The following LONRF2 variants were observed in gnomAD, a reference collection of about 807,000 sequenced individuals.
The protein encoded by LONRF2 is LON peptidase N-terminal domain and RING finger protein 2.
Under a neutral mutation model 66.6 loss-of-function variants are expected in LONRF2, and 35 were observed. The observed-to-expected ratio is 0.53, with a 90% confidence interval of 0.40 to 0.70. The LOEUF (loss-of-function observed/expected upper bound fraction) is 0.70, where lower values mean the gene tolerates loss of function less well. Ranked by LOEUF, LONRF2 falls within the 30% of genes least tolerant of loss-of-function variation. LONRF2 has a pLI of 0.00. For synonymous variants in LONRF2, 417 were observed against 418.1 expected, an observed-to-expected ratio of 1.00 and a Z score of 0.03; for missense variants, 902 against 1,002.1, an observed-to-expected ratio of 0.90 and a Z score of 1.35.
intron 10 of LONRF2, among the ~76,000 whole-genome samples, chr2:100,289,609 T>A (rs1203611779): frequency 4.0e-5 from 6 of 150,010 alleles, no homozygotes; most frequent in Admixed American, 1.3e-4. Context: ...TTAATTTTTT[T>A]ATATTTTTAA....
At chr2:100,307,976 A>T (rs1675330481) in intron 2 of LONRF2, among the ~76,000 whole-genome samples, 1 of 152,228 alleles carries the variant, frequency 6.6e-6, no homozygotes, top group Non-Finnish European at 1.5e-5. Context: ...GCAACAAAAT[A>T]GATTTCTGAG....
chr2:100,286,320 C>G (rs529681927), intron 11 of LONRF2, among the ~76,000 whole-genome samples: 1 of 152,234 alleles, frequency 6.6e-6, no homozygotes, highest in East Asian at 1.9e-4. Context: ...ACCAGCCCAG[C>G]CTGGCTCTCC....
chr2:100,321,458 C>T lies in LONRF2; in HGVS notation c.636G>A (p.Gln212=). 1 of 1,499,852 alleles carries T rather than the reference C, an allele frequency of 6.7e-7. No homozygotes were observed. 92.9% of individuals were successfully genotyped at this position (1,499,852 alleles called of 1,614,324 possible). The change falls in exon 1 of 12, where the codon CAG becomes CAA. Residue 212 remains glutamine (Q), a synonymous_variant. Transcript: ENST00000393437. ...CGCACCTGAGCAGCGCGGCCTCCGG[C>T]TGCTGCTGGCGCTGCAGGCTCCGCG... ...GQARSLQRQQ[Q]PEAALLRCDQ... is the part of the protein sequence containing the mutation.
At chr2:100,316,701 A>G (rs1675515661) in intron 1 of LONRF2, among the ~76,000 whole-genome samples, 1 of 152,200 alleles carries the variant, frequency 6.6e-6, no homozygotes, top group South Asian at 2.1e-4. Context: ...GACACATATT[A>G]ATTAAATCTA....
chr2:100,288,851 C>T (rs183349521), intron 10 of LONRF2, among the ~76,000 whole-genome samples: 4 of 152,218 alleles, frequency 2.6e-5, no homozygotes, highest in Admixed American at 2.6e-4. Context: ...ATGAATGGAC[C>T]ACAATGTGTT....
intron 1 of LONRF2, among the ~76,000 whole-genome samples, chr2:100,310,401 C>T (rs937359772): frequency 6.6e-6 from 1 of 152,188 alleles, no homozygotes; most frequent in African/African-American, 2.4e-5. Flanking sequence ...ACCTAATGTA[C>T]GTTTTCAGTT....
Position 100,321,998 on chromosome 2 carries a change from C to T in LONRF2, c.96G>A (p.Glu32=). The change falls in exon 1 of 12, where the codon GAG becomes GAA. Residue 32 remains glutamate (E), a synonymous_variant. Transcript: ENST00000393437. ...TCTCGTAGTCGCCCGCGCGGAAGGC[C>T]TCGTCGCCCTCCTCTAAGCGCTGGG... is the stretch of plus-strand genomic sequence containing the variant. ...PIAQRLEEGD[E]AFRAGDYEMA... 3 of 1,457,796 alleles carry T rather than the reference C, an allele frequency of 2.1e-6. No individual in the cohort carries two copies. Among genetic ancestry groups the T allele is most frequent in the Non-Finnish European group, 2.7e-6 (3 of 1,106,244 alleles). The allele number at this position is 1,457,796 out of a possible 1,614,324, so 90.3% of individuals were successfully genotyped here. A position where few individuals can be genotyped will look rare whatever the true frequency, so the allele number is the denominator to read the frequency against.
chr2:100,317,593 G>A (rs1025804966), intron 1 of LONRF2, among the ~76,000 whole-genome samples: 1 of 152,136 alleles, frequency 6.6e-6, no homozygotes, highest in African/African-American at 2.4e-5. Flanking sequence ...ATATGGATAC[G>A]TTTCCTTTAG....
intron 7 of LONRF2, among the ~76,000 whole-genome samples, chr2:100,297,368 C>A (rs4314007): frequency 0.75 from 114,128 of 151,654 alleles, 44,104 homozygotes; most frequent in East Asian, 0.96. Flanking sequence ...CTATCTCCCG[C>A]CCTTGTGACC....
chr2:100,276,829 G>A lies in LONRF2; in HGVS notation c.*7469C>T, dbSNP rs934645418. The A allele has an allele frequency of 5.3e-5, 8 of 152,188 alleles. No individual in the cohort carries two copies. Among genetic ancestry groups the A allele is most frequent in the South Asian group, 2.1e-4 (1 of 4,824 alleles). The allele number at this position is 152,188 out of a possible 1,614,324, so 9.4% of individuals were successfully genotyped here. On this transcript the variant is annotated 3_prime_UTR_variant, in exon 12 of 12. Transcript: ENST00000393437. ...CTACTTGCACAGCTTCTTGGCTGCC[G>A]TTTGCCTTCTGCCCTGAGGGGCACA...
At chr2:100,291,943 C>T (rs1314592847) in intron 9 of LONRF2, among the ~76,000 whole-genome samples, 1 of 152,182 alleles carries the variant, frequency 6.6e-6, no homozygotes, top group Non-Finnish European at 1.5e-5. Context: ...CACGGAGGCT[C>T]AGAGGAATTA....
Position 100,276,514 on chromosome 2 carries a change from GC to G in LONRF2, c.*7783del, listed in dbSNP as rs1674604330. On this transcript the variant is annotated 3_prime_UTR_variant, in exon 12 of 12. Transcript: ENST00000393437. ...TTATAAACTAGCTTGATAAAATGAT[GC>G]CCCATGGACCTCCAGTTAAAACAGT... 2 of 152,016 alleles carry G rather than the reference GC, an allele frequency of 1.3e-5. No individual in the cohort carries two copies. Among genetic ancestry groups the G allele is most frequent in the South Asian group, 4.1e-4 (2 of 4,820 alleles). The allele number at this position is 152,016 out of a possible 1,614,324, so 9.4% of individuals were successfully genotyped here.
chr2:100,284,292 G>GA lies in LONRF2; in HGVS notation c.*5dup. The GA allele has an allele frequency of 6.6e-7, 1 of 1,508,652 alleles. No homozygotes were observed. Among genetic ancestry groups the GA allele is most frequent in the Non-Finnish European group, 8.9e-7 (1 of 1,121,404 alleles). 93.5% of individuals were successfully genotyped at this position (1,508,652 alleles called of 1,614,324 possible). ...GGGCTGCCAGAAACCTTGACAGAGA[G>GA]AAAAATCAATTATTTCTCTCCCTGG... On this transcript the variant is annotated 3_prime_UTR_variant, in exon 12 of 12. Transcript: ENST00000393437.
intron 4 of LONRF2, 104 bp from the exon 5 acceptor site, chr2:100,300,022 G>GGT: frequency 1.7e-6 from 1 of 574,406 alleles, no homozygotes; most frequent in Non-Finnish European, 3.0e-6. Flanking sequence ...AAAAAAAAGG[G>GGT]GGGGGCATAC....
At chr2:100,321,275 A>T (rs1282736167) in intron 1 of LONRF2, 140 bp downstream of exon 1, 1 of 750,138 alleles carries the variant, frequency 1.3e-6, no homozygotes. Context: ...TCACCTTCCC[A>T]TCCTTAGGAA....
Position 100,322,193 on chromosome 2 carries a change from T to A in LONRF2, c.-100A>T. 2.9e-6 allele frequency: 3 copies of A among 1,041,830 alleles called. No individual in the cohort carries two copies. Among genetic ancestry groups the A allele is most frequent in the South Asian group, 4.9e-5 (1 of 20,618 alleles). The allele number at this position is 1,041,830 out of a possible 1,614,324, so 64.5% of individuals were successfully genotyped here. ...GCCGGCGGGAGCGCGGTCTCAGCCCTCGCCAGCAGCCACGCGCGTCTGGGG... is the reference window on the plus strand; with the variant it reads ...GCCGGCGGGAGCGCGGTCTCAGCCCACGCCAGCAGCCACGCGCGTCTGGGG... On this transcript the variant is annotated 5_prime_UTR_variant, in exon 1 of 12. Transcript: ENST00000393437.
rs1158169894 is a variant in LONRF2, at chr2:100,282,967, TA to T, written c.*1330del. On this transcript the variant is annotated 3_prime_UTR_variant, in exon 12 of 12. Coordinates refer to ENST00000393437, the MANE Select transcript of LONRF2 (RefSeq NM_198461.4). ...TTATGAGATATATATATTTTAAAAC[TA>T]AAAAATCACCTTCAATGAACAAAGC... The T allele has an allele frequency of 6.6e-6, 1 of 152,150 alleles. No homozygotes were observed. The allele number at this position is 152,150 out of a possible 1,614,324, so 9.4% of individuals were successfully genotyped here.
chr2:100,295,555 T>C lies in LONRF2; in HGVS notation c.1477-2A>G. On this transcript the variant is annotated splice_acceptor_variant, in intron 7 of 11. Coordinates refer to ENST00000393437, the MANE Select transcript of LONRF2 (RefSeq NM_198461.4). LOFTEE classifies it high-confidence loss of function. ...GTTAAAGTTTCTGCTTGCCAATAAC[T>C]GTAACAAAAAAAAGTCAAATGATAC... 1 of 1,610,612 alleles carries C rather than the reference T, an allele frequency of 6.2e-7. No homozygotes were observed. Among genetic ancestry groups the C allele is most frequent in the Non-Finnish European group, 8.5e-7 (1 of 1,179,042 alleles).
At chr2:100,289,475 G>A (rs57669367) in intron 10 of LONRF2, among the ~76,000 whole-genome samples, 1,928 of 120,006 alleles carry the variant, frequency 0.016, 13 homozygotes, top group Middle Eastern at 0.048. Context: ...TTGCTCTGTC[G>A]CCCAGGCTGG....
Sources: gnomAD v4.1 joint callset for allele counts (sites outside exome capture counted in the v4.1 genomes callset) on GRCh38, gnomAD v4.1.1 for gene constraint, MANE v1.5 for transcripts, NCBI Gene and HGNC (gene_info 2026-07-23, HGNC 2026-07-21) for gene names.